NR2C2: variants seen among roughly 807,000 people sequenced by gnomAD.
NR2C2 encodes the protein Nuclear hormone receptor TR4.
Under a neutral mutation model 62.9 loss-of-function variants are expected in NR2C2, and 6 were observed. The observed-to-expected ratio is 0.10, with a 90% CI of 0.05 to 0.19. NR2C2 has a LOEUF of 0.19. Ranked by LOEUF, NR2C2 falls within the 10% of genes least tolerant of loss-of-function variation. The pLI is 1.00. For synonymous variants in NR2C2, 272 were observed against 273.8 expected, an observed-to-expected ratio of 0.99 and a Z score of 0.07; for missense variants, 479 against 762.7, an observed-to-expected ratio of 0.63 and a Z score of 4.38.
intron 1 of NR2C2, among the ~76,000 whole-genome samples, chr3:14,988,291 G>GCTCT (rs1270504426): frequency 6.6e-6 from 1 of 152,198 alleles, no homozygotes; most frequent in Non-Finnish European, 1.5e-5. Context: ...TTGACCCCCT[G>GCTCT]CTCTCCTCCA....
chr3:14,949,111 T>G (rs2039257078), intron 1 of NR2C2, among the ~76,000 whole-genome samples: 1 of 152,132 alleles, frequency 6.6e-6, no homozygotes, highest in Non-Finnish European at 1.5e-5. Flanking sequence ...GTTGACTTAG[T>G]TTTTTAGGCA....
chr3:15,047,079 A>C lies in NR2C2; in HGVS notation c.*4071A>C, dbSNP rs967609347. On this transcript the variant is annotated 3_prime_UTR_variant, in exon 14 of 14. Coordinates refer to ENST00000425241, the MANE Select transcript of NR2C2 (RefSeq NM_001291694.2). ...ATGTACATGTGTTTATATCCTCTCC[A>C]TATGTACAGTGTATATAGTGTGTGT... The C allele has an allele frequency of 6.6e-6, 1 of 152,646 alleles. No individual in the cohort carries two copies. Among genetic ancestry groups the C allele is most frequent in the East Asian group, 1.9e-4 (1 of 5,200 alleles). The allele number at this position is 152,646 out of a possible 1,614,324, so 9.5% of individuals were successfully genotyped here.
chr3:14,995,072 C>G (rs1329655180), intron 1 of NR2C2, among the ~76,000 whole-genome samples: 2 of 148,132 alleles, frequency 1.4e-5, no homozygotes, highest in African/African-American at 2.5e-5. Context: ...CCTTGACCCT[C>G]CGGTCGAGTT....
chr3:15,008,154 A>G, intron 2 of NR2C2, among the ~76,000 whole-genome samples: 1 of 152,104 alleles, frequency 6.6e-6, no homozygotes, highest in Non-Finnish European at 1.5e-5. Context: ...GAGAACTATA[A>G]ATTTGATTTT....
At chr3:14,960,540 C>T (rs983362521) in intron 1 of NR2C2, among the ~76,000 whole-genome samples, 6 of 152,174 alleles carry the variant, frequency 3.9e-5, no homozygotes, top group African/African-American at 1.4e-4. Context: ...CAAGCCACCT[C>T]TTTTAGGGAA....
intron 1 of NR2C2, among the ~76,000 whole-genome samples, chr3:14,951,434 T>G (rs1484583138): frequency 6.6e-6 from 1 of 152,212 alleles, no homozygotes; most frequent in Non-Finnish European, 1.5e-5. Flanking sequence ...ATTGTAAAAC[T>G]TTTAAAATAA....
In NR2C2 at chr3:15,044,180, G is replaced by A. The variant is rs892222784; in HGVS notation, c.*1172G>A. ...GCCTGGCGAGAGTGGTTAGGGCCTG[G>A]TAAAGCTGGATGGAAGGTTTCAGGA... On this transcript the variant is annotated 3_prime_UTR_variant, in exon 14 of 14. Coordinates refer to ENST00000425241, the MANE Select transcript of NR2C2 (RefSeq NM_001291694.2). 10 of 152,210 alleles carry A rather than the reference G, an allele frequency of 6.6e-5. No homozygotes were observed. The highest frequency in any genetic ancestry group is 1.3e-4 in the Non-Finnish European group (9 of 68,056). The allele number at this position is 152,210 out of a possible 1,614,324, so 9.4% of individuals were successfully genotyped here. A position where few individuals can be genotyped will look rare whatever the true frequency, so the allele number is the denominator to read the frequency against.
Position 15,043,296 on chromosome 3 carries a change from G to T in NR2C2, c.*288G>T. 1 of 226,708 alleles carries T rather than the reference G, an allele frequency of 4.4e-6. No homozygotes were observed. The highest frequency in any genetic ancestry group is 8.5e-6 in the Non-Finnish European group (1 of 117,222). The allele number at this position is 226,708 out of a possible 1,614,324, so 14.0% of individuals were successfully genotyped here. A position where few individuals can be genotyped will look rare whatever the true frequency, so the allele number is the denominator to read the frequency against. On this transcript the variant is annotated 3_prime_UTR_variant, in exon 14 of 14. Transcript: ENST00000425241. Reference sequence around the variant, plus strand: ...TCAAAGGGCAAAAAACAAAAAAAAAGGTTTTATAATGTCAGAGACTAGTAT... The same window carrying T: ...TCAAAGGGCAAAAAACAAAAAAAAATGTTTTATAATGTCAGAGACTAGTAT...
chr3:14,967,289 T>G (rs1347390477), intron 1 of NR2C2, among the ~76,000 whole-genome samples: 1 of 152,116 alleles, frequency 6.6e-6, no homozygotes, highest in East Asian at 1.9e-4. Flanking sequence ...ACTTGATTTT[T>G]TTTCAACAAA....
intron 1 of NR2C2, among the ~76,000 whole-genome samples, chr3:14,996,715 C>T (rs183610732): frequency 1.7e-3 from 266 of 152,316 alleles, no homozygotes; most frequent in African/African-American, 6.2e-3. Context: ...GGACTCCAGG[C>T]GCCCACCGCC....
chr3:15,028,260 T>C (rs2041878292), intron 7 of NR2C2, among the ~76,000 whole-genome samples: 1 of 152,232 alleles, frequency 6.6e-6, no homozygotes, highest in African/African-American at 2.4e-5. Flanking sequence ...GATTCGCAAA[T>C]ATTTTCTCTC....
At chr3:15,006,571 T>C (rs986838294) in intron 2 of NR2C2, among the ~76,000 whole-genome samples, 7 of 152,020 alleles carry the variant, frequency 4.6e-5, no homozygotes, top group African/African-American at 1.5e-4. Flanking sequence ...CTTGAAGGGA[T>C]TCTCATTGTA....
At chr3:15,022,685 G>A (rs142268712) in intron 5 of NR2C2, among the ~76,000 whole-genome samples, 1 of 152,026 alleles carries the variant, frequency 6.6e-6, no homozygotes, top group Non-Finnish European at 1.5e-5. Flanking sequence ...CCGGCCCAAA[G>A]ATGGGCATTT....
chr3:14,979,005 T>C (rs1441001624), intron 1 of NR2C2, among the ~76,000 whole-genome samples: 2 of 152,154 alleles, frequency 1.3e-5, no homozygotes, highest in African/African-American at 4.8e-5. Context: ...GGGTGAAAAT[T>C]AGCTTGCTTC....
intron 1 of NR2C2, among the ~76,000 whole-genome samples, chr3:15,003,544 G>A (rs2041082689): frequency 6.6e-6 from 1 of 152,204 alleles, no homozygotes; most frequent in Non-Finnish European, 1.5e-5. Flanking sequence ...AGGTGGCTTT[G>A]GAGACAGGGA....
At chr3:14,982,271 A>G (rs983223191) in intron 1 of NR2C2, among the ~76,000 whole-genome samples, 14 of 152,214 alleles carry the variant, frequency 9.2e-5, no homozygotes, top group African/African-American at 2.6e-4. Flanking sequence ...GGTTCTTGCT[A>G]TGTTGCCCAG....
intron 2 of NR2C2, among the ~76,000 whole-genome samples, chr3:15,011,190 T>C (rs2041343063): frequency 6.6e-6 from 1 of 152,054 alleles, no homozygotes; most frequent in Non-Finnish European, 1.5e-5. Context: ...TTCTAAAAAA[T>C]TAGCTGGGTG....
At chr3:15,001,625 G>A (rs2041006174) in intron 1 of NR2C2, among the ~76,000 whole-genome samples, 1 of 152,062 alleles carries the variant, frequency 6.6e-6, no homozygotes, top group African/African-American at 2.4e-5. Context: ...GTGAGCCACT[G>A]TGCCTGGCCT....
intron 1 of NR2C2, among the ~76,000 whole-genome samples, chr3:14,956,999 T>A (rs774194634): frequency 4.6e-5 from 7 of 152,228 alleles, no homozygotes; most frequent in Non-Finnish European, 1.0e-4. Context: ...CTTTCACCAA[T>A]GATAGCTACC....
Sources: gnomAD v4.1 joint callset for allele counts (sites outside exome capture counted in the v4.1 genomes callset) on GRCh38, gnomAD v4.1.1 for gene constraint, MANE v1.5 for transcripts, NCBI Gene and HGNC (gene_info 2026-07-23, HGNC 2026-07-21) for gene names.